PIK3C2G: variants seen among roughly 807,000 people sequenced by gnomAD.
The protein encoded by PIK3C2G is phosphatidylinositol-4-phosphate 3-kinase catalytic subunit type 2 gamma, also known as phosphatidylinositol 3-kinase C2 domain-containing subunit gamma.
Under a neutral mutation model 181.1 loss-of-function variants are expected in PIK3C2G, and 168 were observed. The ratio of observed to expected loss-of-function variants is 0.93; its 90% confidence interval spans 0.82 to 1.05. PIK3C2G has a LOEUF of 1.05. PIK3C2G is among the 50% of genes least tolerant of loss of function. The pLI is 0.00. For synonymous variants in PIK3C2G, 573 were observed against 592.2 expected (o/e 0.97, Z 0.47); for missense variants, 1,869 against 1,732.8 (o/e 1.08, Z -1.40).
At chr12:18,255,084 C>T (rs952478990) in intron 1 of PIK3C2G, among the ~76,000 whole-genome samples, 3 of 151,402 alleles carry the variant, frequency 2.0e-5, no homozygotes, top group African/African-American at 7.3e-5. Context: ...CAAAATTAGT[C>T]GGGCACATGC....
At chr12:18,475,738 T>C (rs1209549420) in intron 18 of PIK3C2G, among the ~76,000 whole-genome samples, 1 of 152,136 alleles carries the variant, frequency 6.6e-6, no homozygotes, top group East Asian at 1.9e-4. Flanking sequence ...TTAATAAATA[T>C]ATTTTAAGTA....
intron 24 of PIK3C2G, among the ~76,000 whole-genome samples, chr12:18,516,081 G>A (rs11044155): frequency 0.16 from 24,409 of 151,902 alleles, 2,463 homozygotes; most frequent in South Asian, 0.37. Context: ...ATACATTCAG[G>A]TGTTTTCTTA....
At chr12:18,721,051 G>T in the PIK3C2G span, among the ~76,000 whole-genome samples, 1 of 152,034 alleles carries the variant, frequency 6.6e-6, no homozygotes, top group African/African-American at 2.4e-5. Context: ...GAAGATAGAA[G>T]TGTATGGAGC....
chr12:18,406,980 G>A (rs555745195), intron 16 of PIK3C2G, among the ~76,000 whole-genome samples: 1 of 152,264 alleles, frequency 6.6e-6, no homozygotes, highest in East Asian at 1.9e-4. Flanking sequence ...TTTGAAATCA[G>A]ACTTATCTGG....
rs1454361026 is a variant in PIK3C2G, at chr12:18,325,043, T to G, written c.1217T>G (p.Leu406Arg). ...MHIWKVSRQC[L>R]LTLIRKYDFH... ...TATTTTTTATTTTCCAGACAATGTC[T>G]CTTAACACTCATCAGAAAATATGAC... Residue 406 changes from leucine to arginine, a missense_variant, in exon 8 of 33, where the codon CTC becomes CGC. Physicochemically the swap from Leu to Arg is moderately radical, Grantham distance 102. Transcript: ENST00000538779. 6.4e-7 allele frequency: 1 copy of G among 1,552,920 alleles called. No individual in the cohort carries two copies.
intron 30 of PIK3C2G, among the ~76,000 whole-genome samples, chr12:18,603,830 TCAC>T (rs1356040182): frequency 6.6e-6 from 1 of 152,096 alleles, no homozygotes; most frequent in Non-Finnish European, 1.5e-5. Flanking sequence ...CTGAGAGAAT[TCAC>T]CATTACCAAA....
intron 16 of PIK3C2G, among the ~76,000 whole-genome samples, chr12:18,414,542 A>G (rs1345726992): frequency 6.6e-6 from 1 of 152,000 alleles, no homozygotes; most frequent in Non-Finnish European, 1.5e-5. Context: ...GAATGCATAT[A>G]TTCCATCACA....
intron 31 of PIK3C2G, among the ~76,000 whole-genome samples, chr12:18,611,443 T>C (rs759376153): frequency 3.9e-5 from 6 of 152,150 alleles, no homozygotes; most frequent in Non-Finnish European, 8.8e-5. Context: ...ATCCTAGGCC[T>C]CTCCTTTTTC....
At chr12:18,585,832 AATG>A (rs1946744780) in intron 29 of PIK3C2G, among the ~76,000 whole-genome samples, 1 of 152,216 alleles carries the variant, frequency 6.6e-6, no homozygotes, top group South Asian at 2.1e-4. Flanking sequence ...AAATAACCAG[AATG>A]ATACCAAACA....
At chr12:18,358,645 T>C in intron 11 of PIK3C2G, 1 of 490,506 alleles carries the variant, frequency 2.0e-6, no homozygotes, top group South Asian at 1.5e-5. Context: ...TATCCTCAGC[T>C]GGTCAGCATC....
At chr12:18,719,513 C>T in the PIK3C2G span, 4 of 1,585,154 alleles carry the variant, frequency 2.5e-6, no homozygotes, top group African/African-American at 5.4e-5. Flanking sequence ...ATAAAATAAT[C>T]ATTTAATGGA....
the PIK3C2G span, among the ~76,000 whole-genome samples, chr12:18,675,044 T>C: frequency 6.6e-6 from 1 of 152,184 alleles, no homozygotes; most frequent in Non-Finnish European, 1.5e-5. Flanking sequence ...GTAACTACCT[T>C]ATTCAATATG....
intron 1 of PIK3C2G, among the ~76,000 whole-genome samples, chr12:18,275,683 T>A (rs1948956979): frequency 3.9e-5 from 6 of 152,150 alleles, no homozygotes; most frequent in Admixed American, 3.9e-4. Context: ...GCCTGGCCTA[T>A]CTTCTATTTT....
At chr12:18,514,575 T>A (rs1368236388) in intron 24 of PIK3C2G, among the ~76,000 whole-genome samples, 3 of 151,954 alleles carry the variant, frequency 2.0e-5, no homozygotes, top group Admixed American at 6.6e-5. Flanking sequence ...TTGCTACTAA[T>A]CTTGTGTATT....
intron 20 of PIK3C2G, chr12:18,493,603 T>A (rs559648752): frequency 5.9e-5 from 9 of 152,364 alleles, no homozygotes; most frequent in African/African-American, 1.7e-4. Flanking sequence ...GCAATGATAG[T>A]GTGAAAGCTG....
At chr12:18,545,807 A>G (rs991429695) in intron 25 of PIK3C2G, among the ~76,000 whole-genome samples, 1 of 151,926 alleles carries the variant, frequency 6.6e-6, no homozygotes, top group Admixed American at 6.6e-5. Context: ...TTTGCACATC[A>G]TTTGACCTGG....
intron 16 of PIK3C2G, among the ~76,000 whole-genome samples, chr12:18,403,830 A>C (rs2138156170): frequency 6.6e-6 from 1 of 152,278 alleles, no homozygotes; most frequent in Middle Eastern, 3.4e-3. Context: ...CCAAGGGCTA[A>C]GGTCTGTGGT....
intron 26 of PIK3C2G, among the ~76,000 whole-genome samples, chr12:18,554,631 G>T (rs997899215): frequency 6.6e-6 from 1 of 151,974 alleles, no homozygotes; most frequent in Non-Finnish European, 1.5e-5. Context: ...AGCTCATTTA[G>T]GAATAGTAAA....
chr12:18,544,731 C>T (rs1944332509), intron 25 of PIK3C2G, among the ~76,000 whole-genome samples: 1 of 151,848 alleles, frequency 6.6e-6, no homozygotes. Flanking sequence ...GTTTAAGATG[C>T]TAATAGATCA....
Sources: gnomAD v4.1 joint callset for allele counts (sites outside exome capture counted in the v4.1 genomes callset) on GRCh38, gnomAD v4.1.1 for gene constraint, MANE v1.5 for transcripts, NCBI Gene and HGNC (gene_info 2026-07-23, HGNC 2026-07-21) for gene names.